CDK19: variants seen among roughly 807,000 people sequenced by gnomAD.
The protein encoded by CDK19 is cyclin dependent kinase 19.
Under a neutral mutation model 68.3 loss-of-function variants are expected in CDK19, and 20 were observed. The ratio of observed to expected loss-of-function variants is 0.29; its 90% CI spans 0.21 to 0.43. The LOEUF (loss-of-function observed/expected upper bound fraction) is 0.43. Ranked by LOEUF, CDK19 falls within the 20% of genes least tolerant of loss-of-function variation. CDK19 has a pLI of 1.00. For missense variants in CDK19, 339 were observed against 623.5 expected, an observed-to-expected ratio of 0.54 and a Z score of 4.86; for synonymous variants, 221 against 222.8, an observed-to-expected ratio of 0.99 and a Z score of 0.07.
chr6:110,767,865 T>C (rs1489113928), intron 1 of CDK19, among the ~76,000 whole-genome samples: 1 of 152,148 alleles, frequency 6.6e-6, no homozygotes, highest in African/African-American at 2.4e-5. Context: ...CTAAAACTTT[T>C]GCTTTGTGAA....
chr6:110,622,662 T>C (rs951641248), intron 10 of CDK19, among the ~76,000 whole-genome samples, 153 bp downstream of exon 10: 2 of 152,248 alleles, frequency 1.3e-5, no homozygotes, highest in Non-Finnish European at 2.9e-5. Context: ...CAGCTTTGCC[T>C]GTTTCAAAAT....
intron 2 of CDK19, among the ~76,000 whole-genome samples, chr6:110,736,501 T>C (rs1777263219): frequency 1.3e-5 from 2 of 152,312 alleles, no homozygotes; most frequent in South Asian, 4.1e-4. Context: ...CACATTACGA[T>C]CTGAAGCCAA....
At position 110,763,391 on chromosome 6, in the gene CDK19, T is replaced by C. The variant is rs1009217174; in HGVS notation, c.129-17190A>G. On this transcript the variant is annotated intron_variant, in intron 1 of 12. Transcript: ENST00000368911. ...TAAAATCAGAAACAAAGCAAAGATG[T>C]CTGCTCTCACCACTCTTATTATGTT... 2.6e-5 allele frequency among the ~76,000 whole-genome samples: 4 copies of C among 151,482 alleles called. No individual in the cohort carries two copies. The East Asian group carries it at 7.7e-4, about 29-fold the overall frequency.
intron 6 of CDK19, among the ~76,000 whole-genome samples, chr6:110,629,821 G>A (rs1779330915): frequency 6.6e-6 from 1 of 152,104 alleles, no homozygotes; most frequent in Admixed American, 6.5e-5. Context: ...TATCCAGAAT[G>A]GATAATTGGG....
rs562737529 is a variant in CDK19, at chr6:110,723,143, A to C, written c.204+22983T>G. On this transcript the variant is annotated intron_variant, in intron 2 of 12. Transcript: ENST00000368911. The stretch of plus-strand genomic sequence containing the variant: ...AGCTTTCAAGGCTTTGTCAAAAAAA[A>C]CAAAAAACAAAAAAAAAAACGCAGA... 3.3e-3 allele frequency among the ~76,000 whole-genome samples: 332 copies of C among 100,594 alleles called. 8 individuals carry two copies. Among genetic ancestry groups the C allele is most frequent in the Non-Finnish European group, 6.6e-3 (263 of 39,846 alleles). 66.0% of individuals were successfully genotyped at this position (100,594 alleles called of 152,430 possible). A position where few individuals can be genotyped will look rare whatever the true frequency, so the allele number is the denominator to read the frequency against.
intron 1 of CDK19, among the ~76,000 whole-genome samples, chr6:110,792,552 C>T (rs1395319955): frequency 1.3e-5 from 2 of 152,096 alleles, no homozygotes; most frequent in East Asian, 1.9e-4. Context: ...GGATTACAGA[C>T]GCGTGCCACC....
At chr6:110,685,170 G>GT (rs1389670562) in intron 2 of CDK19, among the ~76,000 whole-genome samples, 5 of 151,980 alleles carry the variant, frequency 3.3e-5, no homozygotes, top group Admixed American at 1.3e-4. Flanking sequence ...TATAACCAGT[G>GT]TTCACTCACC....
chr6:110,615,093 A>C (rs1444835220), intron 12 of CDK19, among the ~76,000 whole-genome samples: 1 of 152,222 alleles, frequency 6.6e-6, no homozygotes, highest in East Asian at 1.9e-4. Flanking sequence ...TAAATAACAA[A>C]GCTGTGATTA....
intron 2 of CDK19, among the ~76,000 whole-genome samples, chr6:110,719,345 A>T (rs1490516304): frequency 1.3e-5 from 2 of 152,068 alleles, no homozygotes; most frequent in Non-Finnish European, 2.9e-5. Context: ...ACAACCAGGC[A>T]TGGTGGCTAA....
intron 1 of CDK19, among the ~76,000 whole-genome samples, chr6:110,776,111 C>T (rs1237178869): frequency 2.0e-5 from 3 of 152,258 alleles, no homozygotes; most frequent in Non-Finnish European, 4.4e-5. Flanking sequence ...AAATTAGCGA[C>T]TTAACAAAAG....
chr6:110,627,247 T>C (rs972461180), intron 6 of CDK19, 102 bp from the exon 7 acceptor site: 20 of 770,014 alleles, frequency 2.6e-5, no homozygotes, highest in South Asian at 3.9e-5. Flanking sequence ...TAAATCAATA[T>C]ACAAAGTACA....
chr6:110,734,140 G>C (rs1039653256), intron 2 of CDK19, among the ~76,000 whole-genome samples: 1 of 152,034 alleles, frequency 6.6e-6, no homozygotes, highest in Admixed American at 6.6e-5. Context: ...CTGCCAAGTA[G>C]CTGGGATTAC....
At chr6:110,744,255 C>CA (rs1416186567) in intron 2 of CDK19, among the ~76,000 whole-genome samples, 1 of 151,956 alleles carries the variant, frequency 6.6e-6, no homozygotes, top group Admixed American at 6.6e-5. Context: ...GATCCACCCC[C>CA]CCAACAGCCT....
chr6:110,792,358 C>CCAT (rs1448998688), intron 1 of CDK19, among the ~76,000 whole-genome samples: 7 of 151,910 alleles, frequency 4.6e-5, no homozygotes, highest in Non-Finnish European at 7.4e-5. Context: ...GTAAAAGAGC[C>CCAT]CATCATCAAA....
intron 4 of CDK19, among the ~76,000 whole-genome samples, chr6:110,660,013 T>C (rs1307572885): frequency 1.3e-5 from 2 of 152,150 alleles, no homozygotes; most frequent in African/African-American, 4.8e-5. Context: ...CTCTGTTTTG[T>C]TTTTTAGAGA....
intron 1 of CDK19, chr6:110,813,339 A>G (rs1783265799): frequency 6.6e-6 from 1 of 152,296 alleles, no homozygotes; most frequent in South Asian, 2.1e-4. Flanking sequence ...ACTAAGATAC[A>G]TTTTTTAAAA....
At chr6:110,726,004 C>T (rs564697145) in intron 2 of CDK19, among the ~76,000 whole-genome samples, 5 of 151,736 alleles carry the variant, frequency 3.3e-5, no homozygotes, top group Admixed American at 6.6e-5. Flanking sequence ...TTGTAAAACA[C>T]GCCATGTTTT....
chr6:110,648,366 A>C (rs762037715), intron 4 of CDK19, among the ~76,000 whole-genome samples: 5 of 152,168 alleles, frequency 3.3e-5, no homozygotes, highest in Non-Finnish European at 5.9e-5. Context: ...CTAACTGAAT[A>C]ATATGAAAGA....
chr6:110,775,572 T>C (rs1780340927), intron 1 of CDK19, among the ~76,000 whole-genome samples: 1 of 152,202 alleles, frequency 6.6e-6, no homozygotes, highest in Non-Finnish European at 1.5e-5. Context: ...TCATGAAATA[T>C]GAAAGGCTTT....
Sources: allele counts gnomAD v4.1 joint callset (sites outside exome capture counted in the v4.1 genomes callset), GRCh38; gene constraint gnomAD v4.1.1; transcripts MANE v1.5; gene names NCBI Gene and HGNC (gene_info 2026-07-23, HGNC 2026-07-21).